Variants in PTPRN2 observed in about 807,000 individuals in gnomAD.
The protein encoded by PTPRN2 is protein tyrosine phosphatase receptor type N2, also known as receptor-type tyrosine-protein phosphatase N2.
PTPRN2 carries 74 observed loss-of-function variants against 118.8 expected under a neutral mutation model. The ratio of observed to expected loss-of-function variants is 0.62; its 90% CI spans 0.52 to 0.76. The LOEUF (loss-of-function observed/expected upper bound fraction) is 0.76, where lower values mean the gene tolerates loss of function less well. Ranked by LOEUF, PTPRN2 falls within the 30% of genes least tolerant of loss-of-function variation. The pLI is 0.00. For missense variants in PTPRN2, 1,481 were observed against 1,394.4 expected (o/e 1.06, Z -0.99); for synonymous variants, 641 against 608.0 (o/e 1.05, Z -0.80).
At chr7:157,673,625 C>G (rs1429321095) in intron 13 of PTPRN2, among the ~76,000 whole-genome samples, 1 of 152,048 alleles carries the variant, frequency 6.6e-6, no homozygotes, top group Non-Finnish European at 1.5e-5. Context: ...CCCTTCCATG[C>G]TCCTCTCCCG....
At chr7:158,166,783 C>G (rs1215012890) in intron 6 of PTPRN2, 148 bp downstream of exon 6, 8 of 1,106,632 alleles carry the variant, frequency 7.2e-6, no homozygotes, top group Non-Finnish European at 9.5e-6. Context: ...GGACCCTTCC[C>G]TACATGGTGC....
intron 6 of PTPRN2, among the ~76,000 whole-genome samples, chr7:158,154,749 T>C (rs1253982398): frequency 2.2e-5 from 2 of 90,936 alleles, no homozygotes; most frequent in Non-Finnish European, 5.4e-5. Flanking sequence ...AAAATAACTT[T>C]AAAAAAAATC....
At position 157,780,953 on chromosome 7, in the gene PTPRN2, C is replaced by A. The variant is rs1041442422; in HGVS notation, c.1789-98016G>T. Among the ~76,000 whole-genome samples the A allele has an allele frequency of 1.3e-5, 2 of 152,208 alleles. No homozygotes were observed. The highest frequency in any genetic ancestry group is 2.9e-5 in the Non-Finnish European group (2 of 68,024). ...ACCGAGGCAGTGGGCAGCCCCTGAG[C>A]CAGGCAGCTCCAGGCCAAACCTTCT... On this transcript the variant is annotated intron_variant, in intron 12 of 22. Coordinates refer to ENST00000389418, the MANE Select transcript of PTPRN2 (RefSeq NM_002847.5). This position sits in a 1 kb window ranked among gnomAD's most constrained non-coding sequence, Gnocchi z 4.5.
At chr7:158,275,741 C>T (rs1182732156) in intron 3 of PTPRN2, among the ~76,000 whole-genome samples, 4 of 152,162 alleles carry the variant, frequency 2.6e-5, no homozygotes, top group South Asian at 2.1e-4. Context: ...CGCACCTCCA[C>T]GTGTGGCAGG....
chr7:157,834,818 C>T (rs1807822651), intron 12 of PTPRN2, among the ~76,000 whole-genome samples: 1 of 152,220 alleles, frequency 6.6e-6, no homozygotes, highest in Non-Finnish European at 1.5e-5. Flanking sequence ...GGCTTGTTGT[C>T]ATGAACCCCA....
At chr7:158,490,767 G>T (rs1821390828) in intron 1 of PTPRN2, among the ~76,000 whole-genome samples, 1 of 152,234 alleles carries the variant, frequency 6.6e-6, no homozygotes, top group Non-Finnish European at 1.5e-5. Flanking sequence ...CTGTTCATCC[G>T]CTAAGATCCC....
intron 6 of PTPRN2, among the ~76,000 whole-genome samples, chr7:158,145,834 G>C (rs73745151): frequency 6.6e-6 from 1 of 152,144 alleles, no homozygotes; most frequent in South Asian, 2.1e-4. Flanking sequence ...GGGGATGCCA[G>C]GCTGGACTCC....
chr7:158,074,600 G>C (rs980640766), intron 11 of PTPRN2, among the ~76,000 whole-genome samples: 3 of 152,154 alleles, frequency 2.0e-5, no homozygotes, highest in African/African-American at 7.2e-5. Flanking sequence ...TCAGCCCCTC[G>C]CAGTAGACGT....
At chr7:158,185,499 ACT>A (rs563375696) in intron 5 of PTPRN2, among the ~76,000 whole-genome samples, 26 of 152,020 alleles carry the variant, frequency 1.7e-4, no homozygotes, top group Admixed American at 1.4e-3. Flanking sequence ...TCTCTTTAGT[ACT>A]CTCATATATT....
chr7:158,494,781 C>A (rs1821707185), intron 1 of PTPRN2, among the ~76,000 whole-genome samples: 1 of 152,196 alleles, frequency 6.6e-6, no homozygotes, highest in Non-Finnish European at 1.5e-5. Flanking sequence ...AGTTGCTGAA[C>A]CTGAACTGGG....
At chr7:158,364,993 ACG>A (rs897863836) in intron 2 of PTPRN2, among the ~76,000 whole-genome samples, 17 of 138,012 alleles carry the variant, frequency 1.2e-4, no homozygotes, top group African/African-American at 2.4e-4. Flanking sequence ...ACACACACAC[ACG>A]CATGTGCACA....
chr7:158,331,118 C>A (rs1221530032), intron 2 of PTPRN2, among the ~76,000 whole-genome samples: 1 of 148,212 alleles, frequency 6.7e-6, no homozygotes, highest in Non-Finnish European at 1.5e-5. Flanking sequence ...CACACCCACA[C>A]TCTCACCATA....
At chr7:157,960,477 A>G (rs2128808837) in intron 11 of PTPRN2, among the ~76,000 whole-genome samples, 1 of 152,354 alleles carries the variant, frequency 6.6e-6, no homozygotes, top group Non-Finnish European at 1.5e-5. Context: ...CAGATAAAAT[A>G]TAGATACATT....
chr7:158,312,604 G>A (rs186081177), intron 3 of PTPRN2, among the ~76,000 whole-genome samples: 1 of 151,122 alleles, frequency 6.6e-6, no homozygotes, highest in African/African-American at 2.4e-5. Context: ...ATGTGAGGCT[G>A]ACAAAACTCA....
Position 157,868,192 on chromosome 7 carries a change from A to G in PTPRN2, c.1788+30481T>C, listed in dbSNP as rs1254103224. 6.6e-6 allele frequency among the ~76,000 whole-genome samples: 1 copy of G among 152,174 alleles called. No homozygotes were observed. The highest frequency in any genetic ancestry group is 1.5e-5 in the Non-Finnish European group (1 of 68,032). On this transcript the variant is annotated intron_variant, in intron 12 of 22. Transcript: ENST00000389418. This position sits in a 1 kb window ranked among gnomAD's most constrained non-coding sequence, Gnocchi z 5.2. ...AGGCACAGGAAGGGTTCCTTTCCCG[A>G]TGGCTCCGACAGCCCAGTGGTGCAC...
chr7:157,545,428 T>A (rs944451132), intron 22 of PTPRN2, among the ~76,000 whole-genome samples: 2 of 146,626 alleles, frequency 1.4e-5, no homozygotes, highest in Admixed American at 6.8e-5. Flanking sequence ...TGTGTGGATG[T>A]ATGCATGGGT....
At chr7:157,672,458 A>G (rs1796464072) in intron 13 of PTPRN2, among the ~76,000 whole-genome samples, 1 of 152,164 alleles carries the variant, frequency 6.6e-6, no homozygotes, top group Admixed American at 6.5e-5. Flanking sequence ...GTTTTGCAAA[A>G]AAAATCTGCA....
chr7:157,879,411 G>GCA (rs1022635984), intron 12 of PTPRN2, among the ~76,000 whole-genome samples: 11 of 151,548 alleles, frequency 7.3e-5, no homozygotes, highest in East Asian at 3.9e-4. Context: ...ACGCACACGT[G>GCA]CACGCACACA....
At chr7:157,834,776 C>A (rs1472368425) in intron 12 of PTPRN2, among the ~76,000 whole-genome samples, 1 of 152,248 alleles carries the variant, frequency 6.6e-6, no homozygotes, top group Non-Finnish European at 1.5e-5. Context: ...TGGGGACCCA[C>A]CTTAGGAGGA....
Sources: allele counts gnomAD v4.1 joint callset (sites outside exome capture counted in the v4.1 genomes callset), GRCh38; gene constraint gnomAD v4.1.1; non-coding constraint Gnocchi (gnomAD v3.1); transcripts MANE v1.5; gene names NCBI Gene and HGNC (gene_info 2026-07-23, HGNC 2026-07-21).